The following PTPRN2 variants were observed in gnomAD, a reference collection of about 807,000 sequenced individuals.
PTPRN2 encodes the protein receptor-type tyrosine-protein phosphatase N2.
In PTPRN2, 74 loss-of-function variants were observed where a neutral mutation model predicts 118.8. The observed-to-expected ratio is 0.62, with a 90% CI of 0.52 to 0.76. The LOEUF is 0.76. Ranked by LOEUF, PTPRN2 falls within the 30% of genes least tolerant of loss-of-function variation. PTPRN2 has a pLI of 0.00. For synonymous variants in PTPRN2, 641 were observed against 608.0 expected (o/e 1.05, Z -0.80); for missense variants, 1,481 against 1,394.4 (o/e 1.06, Z -0.99).
In PTPRN2 at chr7:157,587,719, G is replaced by A. The variant is rs1054378269; in HGVS notation, c.2496+7519C>T. Among the ~76,000 whole-genome samples the A allele has an allele frequency of 6.6e-6, 1 of 152,232 alleles. No individual in the cohort carries two copies. Among genetic ancestry groups the A allele is most frequent in the Non-Finnish European group, 1.5e-5 (1 of 68,050 alleles). The stretch of plus-strand genomic sequence containing the variant: ...TGTGCTCTCTCTGGGGGCCAGGAGA[G>A]CTGTTTCGTGTCTGACTCTGTCCTG... On this transcript the variant is annotated intron_variant, in intron 17 of 22. Coordinates refer to ENST00000389418, the MANE Select transcript of PTPRN2 (RefSeq NM_002847.5). The surrounding 1 kb of genome is among the most constrained non-coding windows in gnomAD (Gnocchi z 5.3).
chr7:158,475,273 G>A (rs1820165011), intron 2 of PTPRN2, among the ~76,000 whole-genome samples: 1 of 142,288 alleles, frequency 7.0e-6, no homozygotes. Context: ...CCCTGTCTAG[G>A]GAGGCCCCGA....
intron 3 of PTPRN2, among the ~76,000 whole-genome samples, chr7:158,248,366 G>A (rs963413090): frequency 5.9e-5 from 9 of 152,176 alleles, no homozygotes; most frequent in South Asian, 2.1e-4. Flanking sequence ...CCCCGACCAC[G>A]TGGGGACACA....
chr7:158,229,553 A>C (rs1263843199), intron 3 of PTPRN2, among the ~76,000 whole-genome samples: 1 of 152,090 alleles, frequency 6.6e-6, no homozygotes, highest in African/African-American at 2.4e-5. Context: ...ATTTTTAAAA[A>C]TTCAAACAGA....
chr7:157,631,594 AG>A (rs1159848298), intron 14 of PTPRN2, among the ~76,000 whole-genome samples: 1 of 152,076 alleles, frequency 6.6e-6, no homozygotes, highest in Non-Finnish European at 1.5e-5. Flanking sequence ...GCACTTTGGG[AG>A]GCCGAGGCGG....
rs748374877 is a variant in PTPRN2 at position 157,678,690 on chromosome 7, C to T, written c.2001+4035G>A. Among the ~76,000 whole-genome samples, 31 of 152,174 alleles carry T rather than the reference C, an allele frequency of 2.0e-4. 2 individuals are homozygous for T. The highest frequency in any genetic ancestry group is 5.2e-4 in the Admixed American group (8 of 15,280). ...ACAGGAGGTCCCCGTGGCCCGGATGCATGCTTTCCTCTGGGTTTGGTTCCA... is the reference window on the plus strand; with the variant it reads ...ACAGGAGGTCCCCGTGGCCCGGATGTATGCTTTCCTCTGGGTTTGGTTCCA... On this transcript the variant is annotated intron_variant, in intron 13 of 22. Transcript: ENST00000389418.
chr7:158,274,123 CG>C (rs1194963266), intron 3 of PTPRN2, among the ~76,000 whole-genome samples: 7 of 73,370 alleles, frequency 9.5e-5, no homozygotes, highest in Admixed American at 1.6e-4. Flanking sequence ...GCCGCAGACA[CG>C]GGGAGCCGCA....
rs140351163 is a variant in PTPRN2, at chr7:158,219,534, C to T, written c.278-14261G>A. On this transcript the variant is annotated intron_variant, in intron 3 of 22. Coordinates refer to ENST00000389418, the MANE Select transcript of PTPRN2 (RefSeq NM_002847.5). ...TAGAAAAAAAAAGAACAAACCAATC[C>T]CAAAGCTAGCAGAAGAAAAGAAAAA... is the stretch of plus-strand genomic sequence containing the variant. Among the ~76,000 whole-genome samples, 726 of 151,516 alleles carry T rather than the reference C, an allele frequency of 4.8e-3. 8 individuals carry two copies. The highest frequency in any genetic ancestry group is 0.017 in the African/African-American group (691 of 41,348).
chr7:158,312,152 A>C (rs1370897310), intron 3 of PTPRN2, among the ~76,000 whole-genome samples: 2 of 151,350 alleles, frequency 1.3e-5, no homozygotes, highest in East Asian at 3.9e-4. Context: ...ACAGCCACAC[A>C]TGCACACACA....
intron 5 of PTPRN2, among the ~76,000 whole-genome samples, chr7:158,191,789 T>C (rs892962443): frequency 1.3e-4 from 20 of 152,064 alleles, no homozygotes; most frequent in Non-Finnish European, 5.9e-5. Context: ...CATCACCTTG[T>C]GTTTTGGTGC....
chr7:157,835,712 G>A (rs1807886423), intron 12 of PTPRN2, among the ~76,000 whole-genome samples: 1 of 152,158 alleles, frequency 6.6e-6, no homozygotes, highest in Non-Finnish European at 1.5e-5. Context: ...GCTTATTCAA[G>A]AAACTAGAGT....
intron 1 of PTPRN2, among the ~76,000 whole-genome samples, chr7:158,542,928 G>A (rs1032957636): frequency 5.9e-5 from 9 of 152,152 alleles, no homozygotes; most frequent in African/African-American, 9.7e-5. Context: ...AGGAGATGGG[G>A]GAGCCGCAGA....
chr7:157,879,383 A>ACG (rs1563201235), intron 12 of PTPRN2, among the ~76,000 whole-genome samples: 2 of 151,922 alleles, frequency 1.3e-5, no homozygotes, highest in African/African-American at 4.8e-5. Context: ...GTGCATGTGC[A>ACG]CACACACACA....
chr7:158,575,507 G>A (rs929351573), intron 1 of PTPRN2, among the ~76,000 whole-genome samples: 6 of 152,178 alleles, frequency 3.9e-5, no homozygotes, highest in Non-Finnish European at 8.8e-5. Flanking sequence ...TGAGACCACA[G>A]GTGTGTGCCA....
chr7:157,679,964 C>T (rs1796844126), intron 13 of PTPRN2, among the ~76,000 whole-genome samples: 1 of 152,200 alleles, frequency 6.6e-6, no homozygotes, highest in Non-Finnish European at 1.5e-5. Flanking sequence ...CACCCGTCTC[C>T]TCCACTCCAT....
rs1162812455 is a variant in PTPRN2 at position 157,964,526 on chromosome 7, G to A, written c.1724-65789C>T. 6.6e-6 allele frequency among the ~76,000 whole-genome samples: 1 copy of A among 152,120 alleles called. No homozygotes were observed. The highest frequency in any genetic ancestry group is 1.5e-5 in the Non-Finnish European group (1 of 68,022). On this transcript the variant is annotated intron_variant, in intron 11 of 22. Transcript: ENST00000389418. This position sits in a 1 kb window ranked among gnomAD's most constrained non-coding sequence, Gnocchi z 9.0. ...GGAATTCATCCATTTGAGGTTAAAT[G>A]TTTGCCAATCTAATTTGGTCAAAAC... is the stretch of plus-strand genomic sequence containing the variant.
chr7:158,461,178 C>G (rs73178259), intron 2 of PTPRN2, among the ~76,000 whole-genome samples: 35,112 of 152,120 alleles, frequency 0.23, 4,432 homozygotes, highest in East Asian at 0.36. Context: ...TCATTTTTTT[C>G]TTGGTTCTAT....
intron 2 of PTPRN2, among the ~76,000 whole-genome samples, chr7:158,398,233 T>C (rs1440227701): frequency 6.6e-6 from 1 of 152,236 alleles, no homozygotes; most frequent in African/African-American, 2.4e-5. Flanking sequence ...TTGAACAGAT[T>C]TGTGTTTTCA....
chr7:158,171,296 TATATATAC>T (rs1447487723), intron 5 of PTPRN2, among the ~76,000 whole-genome samples: 929 of 34,548 alleles, frequency 0.027, 41 homozygotes, highest in Non-Finnish European at 0.038. Flanking sequence ...TATACACACA[TATATATAC>T]ACACATATAT....
At chr7:158,320,167 TCG>T (rs1370473785) in intron 2 of PTPRN2, among the ~76,000 whole-genome samples, 3,308 of 22,278 alleles carry the variant, frequency 0.15, 379 homozygotes, top group African/African-American at 0.31. Context: ...ACAGCCTCCC[TCG>T]TACACACACA....
Sources: allele counts gnomAD v4.1 joint callset (sites outside exome capture counted in the v4.1 genomes callset), GRCh38; gene constraint gnomAD v4.1.1; non-coding constraint Gnocchi (gnomAD v3.1); transcripts MANE v1.5; gene names NCBI Gene and HGNC (gene_info 2026-07-23, HGNC 2026-07-21).